Variants in HFM1 observed in about 807,000 individuals in gnomAD.
HFM1 encodes the protein probable ATP-dependent DNA helicase HFM1.
In HFM1, 169 loss-of-function variants were observed where a neutral mutation model predicts 192.1. The observed-to-expected ratio is 0.88, with a 90% CI of 0.78 to 1.00. The LOEUF (loss-of-function observed/expected upper bound fraction) is 1.00. HFM1 is among the 50% of genes least tolerant of loss of function. HFM1 has a pLI of 0.00. For missense variants in HFM1, 1,661 were observed against 1,668.0 expected (o/e 1.00, Z 0.07); for synonymous variants, 525 against 537.8 (o/e 0.98, Z 0.33).
At chr1:91,389,215 G>A (rs1338861410) in intron 4 of HFM1, among the ~76,000 whole-genome samples, 1 of 147,396 alleles carries the variant, frequency 6.8e-6, no homozygotes, top group Non-Finnish European at 1.5e-5. Context: ...AGGCTGGAGT[G>A]CAGTGGTGTG....
At chr1:91,367,079 G>A (rs946505590) in intron 13 of HFM1, among the ~76,000 whole-genome samples, 6 of 152,170 alleles carry the variant, frequency 3.9e-5, no homozygotes, top group Admixed American at 6.5e-5. Context: ...CGCCATTGCC[G>A]AGGCTTGAGT....
At chr1:91,399,642 A>G (rs1450322286) in intron 2 of HFM1, among the ~76,000 whole-genome samples, 1 of 152,034 alleles carries the variant, frequency 6.6e-6, no homozygotes, top group Admixed American at 6.5e-5. Flanking sequence ...TCCTATCTCC[A>G]TTCTTTTTCT....
At chr1:91,332,992 A>G (rs1654048735) in intron 20 of HFM1, among the ~76,000 whole-genome samples, 1 of 152,230 alleles carries the variant, frequency 6.6e-6, no homozygotes, top group African/African-American at 2.4e-5. Context: ...ACCCCTGTAC[A>G]CTGTGGGTGG....
rs1284905768 is a variant in HFM1 at position 91,380,924 on chromosome 1, C to T, written c.861G>A (p.Lys287=). ...EFPYFNYIQS[K]AFDDLLYTDR... is the part of the protein sequence containing the mutation. ...ATAAAATACTTACATCATCAAAGGC[C>T]TTGGACTGTATATAGTTGAAATATG... Residue 287 remains lysine, a synonymous_variant, in exon 7 of 39, where the codon AAG becomes AAA. Coordinates refer to ENST00000370425, the MANE Select transcript of HFM1 (RefSeq NM_001017975.6). The T allele has an allele frequency of 1.4e-6, 2 of 1,432,080 alleles. No individual in the cohort carries two copies. The highest frequency in any genetic ancestry group is 2.8e-5 in the African/African-American group (2 of 70,714). 88.7% of individuals were successfully genotyped at this position (1,432,080 alleles called of 1,614,324 possible). A position where few individuals can be genotyped will look rare whatever the true frequency, so the allele number is the denominator to read the frequency against.
intron 30 of HFM1, among the ~76,000 whole-genome samples, chr1:91,284,314 A>G (rs281942): frequency 1 from 151,720 of 151,978 alleles, 75,731 homozygotes; most frequent in Non-Finnish European, 1. Flanking sequence ...TGCAATCTCA[A>G]CTCACTGCAA....
chr1:91,285,192 G>C (rs1667840519), intron 30 of HFM1, among the ~76,000 whole-genome samples: 1 of 152,036 alleles, frequency 6.6e-6, no homozygotes, highest in South Asian at 2.1e-4. Flanking sequence ...AAATTACCCA[G>C]TCTCAGTTAT....
At chr1:91,331,753 G>A (rs574426581) in intron 20 of HFM1, among the ~76,000 whole-genome samples, 179 of 152,232 alleles carry the variant, frequency 1.2e-3, no homozygotes, top group African/African-American at 4.2e-3. Flanking sequence ...AAAATTAGCT[G>A]GGTGTGATGG....
Position 91,289,988 on chromosome 1 carries a change from C to A in HFM1, c.3392-12926G>T, listed in dbSNP as rs556955938. Among the ~76,000 whole-genome samples, 25 of 152,202 alleles carry A rather than the reference C, an allele frequency of 1.6e-4. No homozygotes were observed. The East Asian group carries it at 4.6e-3, about 28-fold the overall frequency. ...AAGGAGAAATAAAATCCTTTACAGA[C>A]AAGCAAATGCTGAGAGATTTTGTCA... On this transcript the variant is annotated intron_variant, in intron 30 of 38. Coordinates refer to ENST00000370425, the MANE Select transcript of HFM1 (RefSeq NM_001017975.6).
chr1:91,276,795 A>C, intron 31 of HFM1, 52 bp from the exon 32 acceptor site: 1 of 951,968 alleles, frequency 1.1e-6, no homozygotes, highest in Non-Finnish European at 1.6e-6. Context: ...TCTTATTCTT[A>C]TAAAGTCAAA....
chr1:91,394,020 ATT>A, intron 4 of HFM1, 71 bp downstream of exon 4: 1 of 845,836 alleles, frequency 1.2e-6, no homozygotes, highest in Non-Finnish European at 1.8e-6. Flanking sequence ...ATTGTACCAT[ATT>A]TAATACTTTT....
intron 30 of HFM1, among the ~76,000 whole-genome samples, chr1:91,282,164 ACT>A (rs1312725165): frequency 6.6e-6 from 1 of 152,214 alleles, no homozygotes; most frequent in Non-Finnish European, 1.5e-5. Flanking sequence ...TTTCTTGAAC[ACT>A]TATAAGTTAG....
intron 2 of HFM1, among the ~76,000 whole-genome samples, chr1:91,400,489 T>C (rs1387602233): frequency 2.0e-5 from 3 of 152,106 alleles, no homozygotes; most frequent in Non-Finnish European, 4.4e-5. Flanking sequence ...TCTTTTTTTT[T>C]TTTTTTTCTT....
upstream of HFM1, chr1:91,404,862 G>A (rs768360438): frequency 5.9e-5 from 27 of 455,264 alleles, no homozygotes; most frequent in African/African-American, 5.0e-4. Flanking sequence ...GGACCGCCAA[G>A]CCTGGCTAAG....
chr1:91,305,596 C>A (rs758713506), intron 30 of HFM1, among the ~76,000 whole-genome samples: 20 of 151,480 alleles, frequency 1.3e-4, no homozygotes, highest in Admixed American at 2.6e-4. Context: ...GAGACAAGGT[C>A]TCACTCTGTT....
chr1:91,292,718 G>C (rs1399926216), intron 30 of HFM1, among the ~76,000 whole-genome samples: 1 of 151,832 alleles, frequency 6.6e-6, no homozygotes, highest in Non-Finnish European at 1.5e-5. Context: ...AGTTCATATG[G>C]AACAAAAAAA....
At chr1:91,312,040 T>A (rs958907198) in intron 30 of HFM1, among the ~76,000 whole-genome samples, 2 of 152,164 alleles carry the variant, frequency 1.3e-5, no homozygotes, top group African/African-American at 4.8e-5. Flanking sequence ...AAGTCAAGAA[T>A]CGAGGTTTGG....
intron 13 of HFM1, among the ~76,000 whole-genome samples, chr1:91,364,632 A>ATATATATATTTTTTTTTT: frequency 1.5e-5 from 1 of 66,816 alleles, no homozygotes; most frequent in Non-Finnish European, 2.5e-5. Context: ...ATATATATAT[A>ATATATATATTTTTTTTTT]TTTTTTTTTT....
Position 91,313,471 on chromosome 1 carries a change from A to C in HFM1, c.3269T>G (p.Leu1090Arg), listed in dbSNP as rs1650763571. 1 of 1,590,356 alleles carries C rather than the reference A, an allele frequency of 6.3e-7. No homozygotes were observed. Among genetic ancestry groups the C allele is most frequent in the Admixed American group, 1.8e-5 (1 of 56,486 alleles). The change falls in exon 30 of 39, where the codon CTT becomes CGT. Residue 1090 changes from leucine (L) to arginine (R), a missense_variant. Physicochemically the swap from Leu to Arg is moderately radical, Grantham distance 102. Transcript: ENST00000370425. ...CTTGGGTTCTAAGTAAAAGACTGTA[A>C]GTTTCTGCTGAATATCAAGCCCAAC... ...EFVGLDIQQKLTVFYLEPKRF... is the reference protein window; with the variant it reads ...EFVGLDIQQKRTVFYLEPKRF...
At chr1:91,371,296 C>T (rs1660156774) in intron 13 of HFM1, among the ~76,000 whole-genome samples, 1 of 145,934 alleles carries the variant, frequency 6.9e-6, no homozygotes, top group Non-Finnish European at 1.5e-5. Context: ...CAATTCTATG[C>T]CAAAAGAACA....
Sources: gnomAD v4.1 joint callset for allele counts (sites outside exome capture counted in the v4.1 genomes callset) on GRCh38, gnomAD v4.1.1 for gene constraint, MANE v1.5 for transcripts, NCBI Gene and HGNC (gene_info 2026-07-23, HGNC 2026-07-21) for gene names.